NFATC1: variants seen among roughly 807,000 people sequenced by gnomAD.
The protein encoded by NFATC1 is nuclear factor of activated T-cells, cytoplasmic 1.
Under a neutral mutation model 76.0 loss-of-function variants are expected in NFATC1, and 22 were observed. The ratio of observed to expected loss-of-function variants is 0.29; its 90% CI spans 0.21 to 0.41. NFATC1 has a LOEUF of 0.41. Among genes scored for constraint, NFATC1 ranks in the 10% least tolerant of loss-of-function variants. The probability of loss-of-function intolerance (pLI) is 1.00; values close to 1 mark genes in which losing one functional copy is unlikely to be tolerated. For missense variants in NFATC1, 1,357 were observed against 1,337.7 expected (o/e 1.01, Z -0.23); for synonymous variants, 704 against 613.1 (o/e 1.15, Z -2.19).
intron 3 of NFATC1, chr18:79,448,350 C>G (rs761062224): frequency 2.2e-4 from 43 of 198,804 alleles, no homozygotes; most frequent in Non-Finnish European, 1.2e-4. Context: ...GTCCCCTGAT[C>G]AGGAGTGGGA....
chr18:79,473,818 C>CATT (rs2088896087), intron 8 of NFATC1, among the ~76,000 whole-genome samples: 2 of 145,948 alleles, frequency 1.4e-5, no homozygotes, highest in Admixed American at 6.7e-5. Context: ...TCACTGTTGA[C>CATT]GTAAACCTGA....
chr18:79,464,163 C>T (rs1420487483), intron 7 of NFATC1, among the ~76,000 whole-genome samples: 1 of 152,202 alleles, frequency 6.6e-6, no homozygotes, highest in East Asian at 1.9e-4. Context: ...GATCTCAGCT[C>T]ATTGCAGCCT....
intron 9 of NFATC1, among the ~76,000 whole-genome samples, chr18:79,513,041 G>C (rs929058223): frequency 6.6e-6 from 1 of 152,216 alleles, no homozygotes; most frequent in African/African-American, 2.4e-5. Flanking sequence ...AGTTGTATCT[G>C]CCATGTTTTT....
intron 8 of NFATC1, among the ~76,000 whole-genome samples, chr18:79,475,425 C>A: frequency 6.8e-6 from 1 of 146,406 alleles, no homozygotes; most frequent in Admixed American, 6.8e-5. Flanking sequence ...CGTTGTAAAC[C>A]CGAGGGAAGC....
intron 9 of NFATC1, among the ~76,000 whole-genome samples, chr18:79,514,350 A>T (rs2090328187): frequency 1.3e-5 from 2 of 151,848 alleles, no homozygotes; most frequent in South Asian, 4.2e-4. Context: ...TGACGTGGGA[A>T]GATCACACGA....
chr18:79,519,841 G>T (rs77961666), intron 9 of NFATC1, among the ~76,000 whole-genome samples: 3 of 152,138 alleles, frequency 2.0e-5, no homozygotes, highest in Non-Finnish European at 4.4e-5. Context: ...CTTAAAGTGG[G>T]ATTATTTTCA....
At chr18:79,519,266 A>C (rs1426331209) in intron 9 of NFATC1, among the ~76,000 whole-genome samples, 3 of 152,274 alleles carry the variant, frequency 2.0e-5, no homozygotes, top group African/African-American at 7.2e-5. Context: ...TTTCACTACC[A>C]TCTGAAAAAC....
intron 9 of NFATC1, 100 bp downstream of exon 9, chr18:79,487,037 G>A: frequency 7.5e-7 from 1 of 1,334,446 alleles, no homozygotes; most frequent in South Asian, 1.4e-5. Context: ...ACGTGTGGAA[G>A]TGCACCGAGG....
chr18:79,498,909 A>G (rs909636082), intron 9 of NFATC1, among the ~76,000 whole-genome samples: 9 of 152,250 alleles, frequency 5.9e-5, no homozygotes, highest in Admixed American at 4.6e-4. Context: ...CAAGAATTCT[A>G]TATCTAGTAA....
rs2088800276 is a variant in NFATC1, at chr18:79,471,877, A to G, written c.2092+4295A>G. 2.6e-5 allele frequency among the ~76,000 whole-genome samples: 4 copies of G among 152,208 alleles called. No individual in the cohort carries two copies. The South Asian group carries it at 8.3e-4, about 32-fold the overall frequency. ...CAGACAGGAGCCAGCTGGAGACTCA[A>G]ACGTCACGAAGAAGGGAAGACGCGC... On this transcript the variant is annotated intron_variant, in intron 8 of 9. Coordinates refer to ENST00000427363, the MANE Select transcript of NFATC1 (RefSeq NM_001278669.2).
chr18:79,486,762 G>T lies in NFATC1; in HGVS notation c.2607G>T (p.Pro869=). The T allele has an allele frequency of 6.2e-7, 1 of 1,605,000 alleles. No homozygotes were observed. The highest frequency in any genetic ancestry group is 8.5e-7 in the Non-Finnish European group (1 of 1,177,008). ...TCLQPCSPAC[P]PATGRPQHLP... is the part of the protein sequence containing the mutation. ...TGCAGCCCTGCAGCCCAGCGTGCCC[G>T]CCCGCCACGGGCCGCCCGCAGCACC... Residue 869 remains proline, a synonymous_variant, in exon 9 of 10, where the codon CCG becomes CCT. Coordinates refer to ENST00000427363, the MANE Select transcript of NFATC1 (RefSeq NM_001278669.2).
At chr18:79,425,283 G>GTCTCTCTGTTTCTCTC (rs2086286135) in intron 2 of NFATC1, among the ~76,000 whole-genome samples, 1 of 95,264 alleles carries the variant, frequency 1.0e-5, no homozygotes. Context: ...CTCTCTGTCT[G>GTCTCTCTGTTTCTCTC]TCTTTCTTTC....
chr18:79,471,215 G>A (rs559162299), intron 8 of NFATC1, among the ~76,000 whole-genome samples: 3 of 152,296 alleles, frequency 2.0e-5, no homozygotes, highest in Admixed American at 6.5e-5. Context: ...TGGCAGTTCC[G>A]AGAGGTTATT....
At chr18:79,481,665 A>G (rs3826569) in intron 8 of NFATC1, among the ~76,000 whole-genome samples, 87,951 of 152,194 alleles carry the variant, frequency 0.58, 25,734 homozygotes, top group African/African-American at 0.68. Flanking sequence ...AATGTGCGGG[A>G]CTGAGAGCCA....
chr18:79,488,030 C>G, intron 9 of NFATC1, among the ~76,000 whole-genome samples: 1 of 152,064 alleles, frequency 6.6e-6, no homozygotes, highest in Non-Finnish European at 1.5e-5. Context: ...GGGGTCCAGG[C>G]GAGCCTCGGC....
intron 3 of NFATC1, among the ~76,000 whole-genome samples, chr18:79,440,516 GGGCCCTGCT>G (rs1299124259): frequency 6.6e-6 from 1 of 152,254 alleles, no homozygotes; most frequent in Non-Finnish European, 1.5e-5. Flanking sequence ...CCTGAGCAAT[GGGCCCTGCT>G]TCCCCGCAGA....
intron 9 of NFATC1, among the ~76,000 whole-genome samples, chr18:79,521,127 G>A (rs1458437977): frequency 1.1e-5 from 1 of 92,374 alleles, no homozygotes; most frequent in East Asian, 3.6e-4. Flanking sequence ...GGCGTCTGCT[G>A]ATGTGTGTGT....
At chr18:79,520,188 C>G (rs571394822) in intron 9 of NFATC1, among the ~76,000 whole-genome samples, 135 of 141,536 alleles carry the variant, frequency 9.5e-4, no homozygotes, top group African/African-American at 3.3e-3. Context: ...CCTCCGGGCC[C>G]CTCACGGGAG....
intron 9 of NFATC1, chr18:79,497,199 G>A (rs1043248904): frequency 6.6e-6 from 1 of 152,242 alleles, no homozygotes; most frequent in African/African-American, 2.4e-5. Context: ...AACTGCTGGA[G>A]AGCATCTTGA....
Sources: allele counts gnomAD v4.1 joint callset (sites outside exome capture counted in the v4.1 genomes callset), GRCh38; gene constraint gnomAD v4.1.1; transcripts MANE v1.5; gene names NCBI Gene and HGNC (gene_info 2026-07-23, HGNC 2026-07-21).